Variants in NEGR1 observed in about 807,000 individuals in gnomAD.
NEGR1 encodes the protein IgLON family member 4.
In NEGR1, 10 loss-of-function variants were observed where a neutral mutation model predicts 40.9. The ratio of observed to expected loss-of-function variants is 0.24; its 90% CI spans 0.15 to 0.42. The LOEUF (loss-of-function observed/expected upper bound fraction) is 0.42, where lower values mean the gene tolerates loss of function less well. NEGR1 is among the 10% of genes least tolerant of loss of function. The pLI, the probability that NEGR1 is intolerant of heterozygous loss-of-function variation, is 1.00. For synonymous variants in NEGR1, 185 were observed against 166.8 expected (o/e 1.11, Z -0.84); for missense variants, 352 against 438.9 (o/e 0.80, Z 1.77).
At position 71,761,581 on chromosome 1, in the gene NEGR1, T is replaced by C. The variant is rs199742349; in HGVS notation, c.535+14591A>G. Among the ~76,000 whole-genome samples, 5 of 152,280 alleles carry C rather than the reference T, an allele frequency of 3.3e-5. No individual in the cohort carries two copies. In the East Asian group the frequency reaches 9.6e-4, roughly 29 times the overall value. On this transcript the variant is annotated intron_variant, in intron 3 of 6. Transcript: ENST00000357731. ...GAAAAACATAGAAAATACTGCTTCT[T>C]TATCTTTCTGAGTTTCTATACTTTA...
intron 1 of NEGR1, among the ~76,000 whole-genome samples, chr1:72,177,225 T>C (rs1488752293): frequency 5.9e-5 from 9 of 152,178 alleles, no homozygotes; most frequent in African/African-American, 2.2e-4. Flanking sequence ...GTATGCAACT[T>C]TACTCATGGT....
At chr1:71,884,960 C>T (rs1660685776) in intron 2 of NEGR1, among the ~76,000 whole-genome samples, 1 of 152,258 alleles carries the variant, frequency 6.6e-6, no homozygotes, top group African/African-American at 2.4e-5. Context: ...AAATCAGTGC[C>T]AGGTGCTTTC....
In NEGR1 at chr1:71,606,412, G is replaced by A. The variant is rs979096573; in HGVS notation, c.788+4614C>T. Among the ~76,000 whole-genome samples, 11 of 152,134 alleles carry A rather than the reference G, an allele frequency of 7.2e-5. No individual in the cohort carries two copies. In the East Asian group the frequency reaches 1.2e-3, roughly 16 times the overall value. ...TTGACTGCAATCTTATGAGAGACCC[G>A]GAGTGATAACCATCCAGCCAAACTG... is the stretch of plus-strand genomic sequence containing the variant. On this transcript the variant is annotated intron_variant, in intron 5 of 6. Coordinates refer to ENST00000357731, the MANE Select transcript of NEGR1 (RefSeq NM_173808.3).
chr1:71,863,235 T>C (rs1660004188), intron 2 of NEGR1, among the ~76,000 whole-genome samples: 1 of 152,140 alleles, frequency 6.6e-6, no homozygotes, highest in Non-Finnish European at 1.5e-5. Flanking sequence ...AAAGAAAATT[T>C]GGTACATATA....
intron 6 of NEGR1, among the ~76,000 whole-genome samples, chr1:71,471,824 G>A (rs1447827863): frequency 1.3e-5 from 2 of 152,062 alleles, no homozygotes; most frequent in South Asian, 2.1e-4. Context: ...TGTCAGTGAC[G>A]TTTGAGGAGC....
At position 71,581,997 on chromosome 1, in the gene NEGR1, C is replaced by G. The variant is rs567501685; in HGVS notation, c.940+10820G>C. ...GGGATTACAGGACCAAGGCACTATG[C>G]CTGACCTACACACATCCTTTACTTC... On this transcript the variant is annotated intron_variant, in intron 6 of 6. Coordinates refer to ENST00000357731, the MANE Select transcript of NEGR1 (RefSeq NM_173808.3). Among the ~76,000 whole-genome samples the G allele has an allele frequency of 1.3e-4, 20 of 152,240 alleles. No homozygotes were observed. In the South Asian group the frequency reaches 3.9e-3, roughly 30 times the overall value.
intron 2 of NEGR1, among the ~76,000 whole-genome samples, chr1:71,823,515 A>T (rs916622174): frequency 6.6e-6 from 1 of 151,996 alleles, no homozygotes; most frequent in Non-Finnish European, 1.5e-5. Context: ...TTTCCAGGTG[A>T]TCCTTGCTGC....
chr1:71,404,794 T>G lies in NEGR1; in HGVS notation c.*2652A>C, dbSNP rs1646267738. The stretch of plus-strand genomic sequence containing the variant: ...TGTTATAGATTAAAAGATAAATCAA[T>G]TTATAAAACTGCTATTCTGAAATTG... On this transcript the variant is annotated 3_prime_UTR_variant, in exon 7 of 7. Coordinates refer to ENST00000357731, the MANE Select transcript of NEGR1 (RefSeq NM_173808.3). 6.6e-6 allele frequency: 1 copy of G among 152,252 alleles called. No individual in the cohort carries two copies. The highest frequency in any genetic ancestry group is 2.4e-5 in the African/African-American group (1 of 41,424). 9.4% of individuals were successfully genotyped at this position (152,252 alleles called of 1,614,324 possible).
chr1:71,819,546 G>T (rs1174930847), intron 2 of NEGR1, among the ~76,000 whole-genome samples: 3 of 151,304 alleles, frequency 2.0e-5, no homozygotes, highest in Admixed American at 6.6e-5. Context: ...TTGAAAGGAA[G>T]AATTGAAAGA....
chr1:71,559,380 T>G (rs1323341601), intron 6 of NEGR1, among the ~76,000 whole-genome samples: 1 of 151,546 alleles, frequency 6.6e-6, no homozygotes, highest in African/African-American at 2.4e-5. Flanking sequence ...ATCAGCTCCT[T>G]TCTTCCTCAT....
At chr1:71,622,194 T>C (rs948668719) in intron 4 of NEGR1, among the ~76,000 whole-genome samples, 8 of 151,934 alleles carry the variant, frequency 5.3e-5, no homozygotes, top group Admixed American at 3.9e-4. Context: ...TTTGCCGAAC[T>C]TTCTTTCTTT....
At chr1:72,094,104 A>G (rs1648605351) in intron 1 of NEGR1, among the ~76,000 whole-genome samples, 1 of 152,152 alleles carries the variant, frequency 6.6e-6, no homozygotes, top group African/African-American at 2.4e-5. Flanking sequence ...ATGGCCTTAC[A>G]TAGTTTATAA....
intron 4 of NEGR1, among the ~76,000 whole-genome samples, chr1:71,626,270 T>C (rs1221219480): frequency 6.6e-6 from 1 of 151,998 alleles, no homozygotes; most frequent in African/African-American, 2.4e-5. Context: ...TGCAGGTTTG[T>C]TACATATGTG....
chr1:71,435,877 G>A (rs1646505850), intron 6 of NEGR1, among the ~76,000 whole-genome samples: 1 of 152,150 alleles, frequency 6.6e-6, no homozygotes, highest in Non-Finnish European at 1.5e-5. Context: ...AGAACTCCAT[G>A]AGTTCAACAT....
At chr1:72,226,871 C>A (rs1426710017) in intron 1 of NEGR1, among the ~76,000 whole-genome samples, 1 of 151,962 alleles carries the variant, frequency 6.6e-6, no homozygotes, top group Non-Finnish European at 1.5e-5. Flanking sequence ...AAAAATGGTA[C>A]TAAGAAATGT....
intron 2 of NEGR1, among the ~76,000 whole-genome samples, chr1:71,847,515 T>C (rs182375481): frequency 2.6e-5 from 4 of 152,356 alleles, no homozygotes; most frequent in Admixed American, 2.0e-4. Flanking sequence ...TAGTGATTTG[T>C]GATCAGTGAT....
At chr1:72,003,615 G>T (rs200387457) in intron 1 of NEGR1, among the ~76,000 whole-genome samples, 31 of 86,612 alleles carry the variant, frequency 3.6e-4, no homozygotes, top group Non-Finnish European at 1.3e-4. Context: ...ATTAAATTTT[G>T]TTTTTAGACC....
intron 4 of NEGR1, among the ~76,000 whole-genome samples, chr1:71,663,145 G>C (rs1435240196): frequency 1.3e-5 from 2 of 151,946 alleles, no homozygotes; most frequent in Non-Finnish European, 1.5e-5. Context: ...TTTTAGTAGA[G>C]ATGGGTTTTC....
intron 1 of NEGR1, among the ~76,000 whole-genome samples, chr1:72,108,656 T>G (rs1649231056): frequency 6.6e-6 from 1 of 151,616 alleles, no homozygotes; most frequent in African/African-American, 2.4e-5. Context: ...AAAGAATTAT[T>G]AGCTAAAGAA....
Sources: allele counts gnomAD v4.1 joint callset (sites outside exome capture counted in the v4.1 genomes callset), GRCh38; gene constraint gnomAD v4.1.1; transcripts MANE v1.5; gene names NCBI Gene and HGNC (gene_info 2026-07-23, HGNC 2026-07-21).